Variants in EXPH5 observed in about 807,000 individuals in gnomAD.
EXPH5 encodes exophilin-5.
EXPH5 carries 42 observed loss-of-function variants against 41.1 expected under a neutral mutation model. The observed-to-expected ratio is 1.02, with a 90% CI of 0.80 to 1.32. The LOEUF (loss-of-function observed/expected upper bound fraction) is 1.32. EXPH5 is among the 40% of genes most tolerant of loss of function. The pLI, the probability that EXPH5 is intolerant of heterozygous loss-of-function variation, is 0.00. For synonymous variants in EXPH5, 798 were observed against 833.5 expected, an observed-to-expected ratio of 0.96 and a Z score of 0.73; for missense variants, 2,298 against 2,314.5, an observed-to-expected ratio of 0.99 and a Z score of 0.15.
In EXPH5 at chr11:108,509,169, G is replaced by A. The variant is rs142695755; in HGVS notation, c.*368C>T. 2 of 170,714 alleles carry A rather than the reference G, an allele frequency of 1.2e-5. No homozygotes were observed. The highest frequency in any genetic ancestry group is 2.4e-5 in the African/African-American group (1 of 41,874). 10.6% of individuals were successfully genotyped at this position (170,714 alleles called of 1,614,324 possible). A position where few individuals can be genotyped will look rare whatever the true frequency, so the allele number is the denominator to read the frequency against. On this transcript the variant is annotated 3_prime_UTR_variant, in exon 6 of 6. Transcript: ENST00000265843. ...CACAGTTGTGCTGGGTAATTCATAA[G>A]TTTTGTATGTGCCTGGGATATTAGG...
At chr11:108,604,825 A>G in the EXPH5 span, among the ~76,000 whole-genome samples, 4 of 152,172 alleles carry the variant, frequency 2.6e-5, no homozygotes, top group Non-Finnish European at 4.4e-5. Flanking sequence ...GGTTATTAGG[A>G]TGAAATCAGT....
chr11:108,566,070 A>G lies in EXPH5; in HGVS notation c.120-24258T>C, dbSNP rs371783458. 1.4e-4 allele frequency among the ~76,000 whole-genome samples: 22 copies of G among 152,370 alleles called. No individual in the cohort carries two copies. The East Asian group carries it at 2.5e-3, about 17-fold the overall frequency. ...TCAGGATCTATTGGTGGAAAAAGAT[A>G]TGTACAAAGTAGCTATGATACAACA... On this transcript the variant is annotated intron_variant, in intron 1 of 5. Coordinates refer to ENST00000265843, the MANE Select transcript of EXPH5 (RefSeq NM_015065.3).
At chr11:108,572,767 C>T (rs531101940) in intron 1 of EXPH5, among the ~76,000 whole-genome samples, 4 of 152,024 alleles carry the variant, frequency 2.6e-5, no homozygotes, top group Non-Finnish European at 4.4e-5. Context: ...CCATGTTGGC[C>T]AGGCTGGTCT....
rs745493491 is a variant in EXPH5, at chr11:108,512,180, G to A, written c.3327C>T (p.Ser1109=). 40 of 1,611,102 alleles carry A rather than the reference G, an allele frequency of 2.5e-5. No individual in the cohort carries two copies. The highest frequency in any genetic ancestry group is 3.4e-5 in the Admixed American group (2 of 59,456). ...MTNVKSSGST[S]VRKGPLPFLI... ...GGAATGGAAGTGGTCCTTTTCTAAC[G>A]GAAGTAGATCCACTGCTTTTTACAT... The change falls in exon 6 of 6, where the codon TCC becomes TCT. Residue 1109 remains serine (S), a synonymous_variant. Coordinates refer to ENST00000265843, the MANE Select transcript of EXPH5 (RefSeq NM_015065.3).
rs2093640903 is a variant in EXPH5, at chr11:108,505,712, T to G, written c.*3825A>C. On this transcript the variant is annotated 3_prime_UTR_variant, in exon 6 of 6. Transcript: ENST00000265843. The stretch of plus-strand genomic sequence containing the variant: ...TAAATGGGATATTCTGAAGCATTAT[T>G]ATTATCAATAAACTCTAAGCAAGAA... The G allele has an allele frequency of 6.6e-6, 1 of 152,244 alleles. No homozygotes were observed. Among genetic ancestry groups the G allele is most frequent in the Admixed American group, 6.5e-5 (1 of 15,288 alleles). 9.4% of individuals were successfully genotyped at this position (152,244 alleles called of 1,614,324 possible). A position where few individuals can be genotyped will look rare whatever the true frequency, so the allele number is the denominator to read the frequency against.
At chr11:108,542,044 A>AT (rs2093915844) in intron 1 of EXPH5, among the ~76,000 whole-genome samples, 1 of 151,530 alleles carries the variant, frequency 6.6e-6, no homozygotes, top group Non-Finnish European at 1.5e-5. Context: ...CACCCAGCTA[A>AT]TTTTTTTCTA....
At chr11:108,562,265 G>GTGT (rs1555197205) in intron 1 of EXPH5, among the ~76,000 whole-genome samples, 33 of 104,582 alleles carry the variant, frequency 3.2e-4, no homozygotes, top group Non-Finnish European at 5.3e-4. Context: ...TTTTTTCTGT[G>GTGT]TTTTTTTTTT....
At chr11:108,519,673 G>A (rs1297078369) in intron 4 of EXPH5, among the ~76,000 whole-genome samples, 6 of 151,958 alleles carry the variant, frequency 3.9e-5, no homozygotes, top group African/African-American at 9.7e-5. Flanking sequence ...GCTTGAACTC[G>A]GAAGGCGGAA....
intron 1 of EXPH5, among the ~76,000 whole-genome samples, chr11:108,559,052 T>C (rs2094001345): frequency 6.6e-6 from 1 of 152,094 alleles, no homozygotes. Context: ...GTAAGAACAG[T>C]TATTTCCAGA....
At chr11:108,532,366 A>ATATATATATATATATT (rs1555192606) in intron 3 of EXPH5, among the ~76,000 whole-genome samples, 1 of 32,136 alleles carries the variant, frequency 3.1e-5, no homozygotes, top group African/African-American at 2.0e-4. Flanking sequence ...ATATATATAT[A>ATATATATATATATATT]TTTTTTTTTT....
intron 4 of EXPH5, among the ~76,000 whole-genome samples, chr11:108,520,415 T>G (rs1315562414): frequency 6.6e-6 from 1 of 152,080 alleles, no homozygotes; most frequent in Non-Finnish European, 1.5e-5. Flanking sequence ...AATAAGCTGA[T>G]CTGGTAGTTC....
At chr11:108,569,460 C>A (rs1307881074) in intron 1 of EXPH5, among the ~76,000 whole-genome samples, 8 of 151,070 alleles carry the variant, frequency 5.3e-5, no homozygotes, top group Non-Finnish European at 1.0e-4. Flanking sequence ...CTGCTTCAGC[C>A]TCCCGAGTAG....
At chr11:108,559,061 G>A (rs989833613) in intron 1 of EXPH5, among the ~76,000 whole-genome samples, 3 of 152,194 alleles carry the variant, frequency 2.0e-5, no homozygotes, top group Non-Finnish European at 4.4e-5. Context: ...GTTATTTCCA[G>A]ATTATTTCCA....
intron 1 of EXPH5, among the ~76,000 whole-genome samples, chr11:108,550,981 A>C (rs991321422): frequency 3.3e-5 from 5 of 152,166 alleles, no homozygotes; most frequent in Non-Finnish European, 7.3e-5. Context: ...AGGTCTCCAG[A>C]TATAATCTGG....
At chr11:108,531,343 G>A (rs2093836523) in intron 3 of EXPH5, among the ~76,000 whole-genome samples, 1 of 152,230 alleles carries the variant, frequency 6.6e-6, no homozygotes. Flanking sequence ...TGTAATCCCA[G>A]CTGAGGTGGG....
At chr11:108,533,972 T>C (rs2093861641) in intron 3 of EXPH5, among the ~76,000 whole-genome samples, 1 of 152,026 alleles carries the variant, frequency 6.6e-6, no homozygotes, top group Admixed American at 6.6e-5. Context: ...TTTTTTAATG[T>C]TTTGTAGAGG....
At chr11:108,528,889 G>GAC (rs2093818110) in intron 3 of EXPH5, among the ~76,000 whole-genome samples, 1 of 151,592 alleles carries the variant, frequency 6.6e-6, no homozygotes, top group Non-Finnish European at 1.5e-5. Flanking sequence ...TTTTAGTAGA[G>GAC]ATGGGTTTTC....
Position 108,512,120 on chromosome 11 carries a change from C to G in EXPH5, c.3387G>C (p.Glu1129Asp). ...INRAMSCPSG[E>D]PHASTGREGR... ...CTTCTCTTCCAGTTGAGGCATGTGG[C>G]TCCCCTGAGGGACATGACATAGCCC... The change falls in exon 6 of 6, where the codon GAG (glutamate) becomes GAC (aspartate). Residue 1129 changes from glutamate (E) to aspartate (D), a missense_variant. Coordinates refer to ENST00000265843, the MANE Select transcript of EXPH5 (RefSeq NM_015065.3). 6.2e-7 allele frequency: 1 copy of G among 1,613,820 alleles called. No individual in the cohort carries two copies. Among genetic ancestry groups the G allele is most frequent in the Non-Finnish European group, 8.5e-7 (1 of 1,179,912 alleles).
At chr11:108,562,540 G>A (rs2094017459) in intron 1 of EXPH5, among the ~76,000 whole-genome samples, 1 of 152,058 alleles carries the variant, frequency 6.6e-6, no homozygotes, top group Admixed American at 6.6e-5. Flanking sequence ...ATCTGGGAGG[G>A]AGAGGTTGCA....
Sources: gnomAD v4.1 joint callset for allele counts (sites outside exome capture counted in the v4.1 genomes callset) on GRCh38, gnomAD v4.1.1 for gene constraint, MANE v1.5 for transcripts, NCBI Gene and HGNC (gene_info 2026-07-23, HGNC 2026-07-21) for gene names.